The following TRAPPC8 variants were observed in gnomAD, a reference collection of about 807,000 sequenced individuals.
TRAPPC8 encodes general sporulation gene 1 homolog.
In TRAPPC8, 54 loss-of-function variants were observed where a neutral mutation model predicts 174.3. The ratio of observed to expected loss-of-function variants is 0.31; its 90% CI spans 0.25 to 0.39. The LOEUF is 0.39. Among genes scored for constraint, TRAPPC8 ranks in the 10% least tolerant of loss-of-function variants. The pLI, the probability that TRAPPC8 is intolerant of heterozygous loss-of-function variation, is 1.00. For missense variants in TRAPPC8, 1,531 were observed against 1,699.1 expected, an observed-to-expected ratio of 0.90 and a Z score of 1.74; for synonymous variants, 630 against 579.9, an observed-to-expected ratio of 1.09 and a Z score of -1.24.
intron 24 of TRAPPC8, among the ~76,000 whole-genome samples, chr18:31,852,179 A>G (rs2033739737): frequency 6.6e-6 from 1 of 151,120 alleles, no homozygotes; most frequent in African/African-American, 2.4e-5. Flanking sequence ...GGTCTCTATA[A>G]AAAATAAAAA....
intron 4 of TRAPPC8, among the ~76,000 whole-genome samples, chr18:31,915,471 G>C (rs1037270492): frequency 7.7e-6 from 1 of 129,574 alleles, no homozygotes; most frequent in East Asian, 2.3e-4. Context: ...AAAAAAAAAG[G>C]GGGGGGGGGC....
intron 2 of TRAPPC8, among the ~76,000 whole-genome samples, chr18:31,922,410 T>G (rs985502932): frequency 1.3e-5 from 2 of 150,988 alleles, no homozygotes; most frequent in African/African-American, 2.4e-5. Context: ...CTGGGAAACA[T>G]AGCAAACCCT....
chr18:31,927,253 A>G (rs1036265481), intron 2 of TRAPPC8, among the ~76,000 whole-genome samples: 15 of 151,764 alleles, frequency 9.9e-5, no homozygotes, highest in African/African-American at 3.1e-4. Flanking sequence ...GACTACAGGT[A>G]TACACCACCA....
chr18:31,875,605 G>T (rs1243802008), intron 12 of TRAPPC8, among the ~76,000 whole-genome samples: 1 of 152,182 alleles, frequency 6.6e-6, no homozygotes. Flanking sequence ...GGTGCTGTTG[G>T]CAAGTGTCAG....
chr18:31,864,885 A>T, intron 18 of TRAPPC8, 104 bp from the exon 19 acceptor site: 1 of 1,072,144 alleles, frequency 9.3e-7, no homozygotes, highest in Non-Finnish European at 1.3e-6. Flanking sequence ...ATTTCTAGAA[A>T]AATTCTAGAC....
intron 9 of TRAPPC8, among the ~76,000 whole-genome samples, chr18:31,904,105 G>A (rs1016865244): frequency 4.0e-5 from 6 of 151,898 alleles, no homozygotes; most frequent in Admixed American, 1.3e-4. Context: ...ACGTGGTGGC[G>A]CATGCCTATA....
intron 2 of TRAPPC8, among the ~76,000 whole-genome samples, chr18:31,922,977 A>C (rs918259746): frequency 6.6e-6 from 1 of 152,216 alleles, no homozygotes; most frequent in African/African-American, 2.4e-5. Flanking sequence ...AGAGAGAGCC[A>C]CTGAACTCCA....
chr18:31,898,990 C>G (rs953424080), intron 10 of TRAPPC8, among the ~76,000 whole-genome samples: 3 of 152,078 alleles, frequency 2.0e-5, no homozygotes, highest in Non-Finnish European at 2.9e-5. Context: ...ATTTTTGAAA[C>G]ACAATTTACT....
chr18:31,893,414 T>C (rs143049869), intron 11 of TRAPPC8, among the ~76,000 whole-genome samples: 1 of 150,152 alleles, frequency 6.7e-6, no homozygotes, highest in African/African-American at 2.5e-5. Context: ...CGCGCGCGCG[T>C]GTGCCTGTGT....
Position 31,873,706 on chromosome 18 carries a change from G to A in TRAPPC8, c.1954-168C>T, listed in dbSNP as rs1003412203. On this transcript the variant is annotated intron_variant, in intron 13 of 28. Coordinates refer to ENST00000283351, the MANE Select transcript of TRAPPC8 (RefSeq NM_014939.5). ...ATCAGTCATAAAATTTTACAACTCA[G>A]AAGCACTTCAGATATTTATTCTGCC... is the stretch of plus-strand genomic sequence containing the variant. The A allele has an allele frequency of 1.4e-5, 7 of 512,876 alleles. No individual in the cohort carries two copies. In the Admixed American group the frequency reaches 2.5e-4, roughly 18 times the overall value. The allele number at this position is 512,876 out of a possible 1,614,324, so 31.8% of individuals were successfully genotyped here. A position where few individuals can be genotyped will look rare whatever the true frequency, so the allele number is the denominator to read the frequency against.
At chr18:31,854,995 C>CA (rs2033925002) in intron 21 of TRAPPC8, among the ~76,000 whole-genome samples, 1 of 127,844 alleles carries the variant, frequency 7.8e-6, no homozygotes, top group African/African-American at 3.0e-5. Flanking sequence ...AAAGAATATT[C>CA]ATTTTTACAG....
chr18:31,874,172 G>A, intron 13 of TRAPPC8: 1 of 404,506 alleles, frequency 2.5e-6, no homozygotes, highest in Non-Finnish European at 4.3e-6. Context: ...TGTAAAATCA[G>A]TTGTGAGTCT....
At chr18:31,871,478 A>AT (rs2034858180) in intron 14 of TRAPPC8, among the ~76,000 whole-genome samples, 1 of 151,936 alleles carries the variant, frequency 6.6e-6, no homozygotes, top group South Asian at 2.1e-4. Flanking sequence ...AATATTTTTA[A>AT]TAAAAAAAAA....
At chr18:31,933,797 T>C (rs934092953) in intron 1 of TRAPPC8, among the ~76,000 whole-genome samples, 3 of 141,192 alleles carry the variant, frequency 2.1e-5, no homozygotes, top group African/African-American at 7.6e-5. Context: ...ATTTCTAACA[T>C]TTTTTACTAA....
chr18:31,917,551 G>C (rs1350478636), intron 3 of TRAPPC8, 27 bp downstream of exon 3: 2 of 1,573,520 alleles, frequency 1.3e-6, no homozygotes, highest in Non-Finnish European at 1.7e-6. Context: ...TATTTGATTT[G>C]AGGAGAACAT....
intron 1 of TRAPPC8, among the ~76,000 whole-genome samples, chr18:31,940,874 T>C (rs2038306352): frequency 6.6e-6 from 1 of 152,194 alleles, no homozygotes; most frequent in African/African-American, 2.4e-5. Flanking sequence ...AATACATAAT[T>C]CTAAATACTG....
chr18:31,917,797 C>T, intron 2 of TRAPPC8, 130 bp from the exon 3 acceptor site: 1 of 739,590 alleles, frequency 1.4e-6, no homozygotes. Context: ...CATTTTTCAC[C>T]TGTGCTTTCA....
chr18:31,907,886 C>A (rs1209006023), intron 8 of TRAPPC8, among the ~76,000 whole-genome samples: 1 of 152,134 alleles, frequency 6.6e-6, no homozygotes, highest in Admixed American at 6.6e-5. Flanking sequence ...CCAAGTGACT[C>A]ACATTTATAT....
intron 1 of TRAPPC8, among the ~76,000 whole-genome samples, chr18:31,941,553 G>C (rs1186204811): frequency 6.6e-6 from 1 of 152,130 alleles, no homozygotes; most frequent in Non-Finnish European, 1.5e-5. Context: ...ACAGGCTAAA[G>C]AAAATCCAAA....
Sources: gnomAD v4.1 joint callset for allele counts (sites outside exome capture counted in the v4.1 genomes callset) on GRCh38, gnomAD v4.1.1 for gene constraint, MANE v1.5 for transcripts, NCBI Gene and HGNC (gene_info 2026-07-23, HGNC 2026-07-21) for gene names.